Variants in KCNJ3 observed in about 807,000 individuals in gnomAD.
The protein encoded by KCNJ3 is potassium inwardly rectifying channel subfamily J member 3.
KCNJ3 carries 4 observed loss-of-function variants against 39.2 expected under a neutral mutation model. That is an observed-to-expected ratio of 0.10 (90% CI 0.05 to 0.23). The LOEUF is 0.23. Ranked by LOEUF, KCNJ3 falls within the 10% of genes least tolerant of loss-of-function variation. KCNJ3 has a pLI of 1.00. For missense variants in KCNJ3, 276 were observed against 634.9 expected (o/e 0.43, Z 6.08); for synonymous variants, 230 against 237.4 (o/e 0.97, Z 0.29).
chr2:154,704,440 A>C (rs1028097059), intron 1 of KCNJ3, among the ~76,000 whole-genome samples: 1 of 152,192 alleles, frequency 6.6e-6, no homozygotes, highest in Non-Finnish European at 1.5e-5. Flanking sequence ...GAATGGTATG[A>C]AAGCCTCACA....
At chr2:154,770,781 AT>A (rs1410969338) in intron 2 of KCNJ3, among the ~76,000 whole-genome samples, 3 of 152,224 alleles carry the variant, frequency 2.0e-5, no homozygotes, top group Non-Finnish European at 1.5e-5. Context: ...TCAAGACATC[AT>A]TTTGAAGGTG....
intron 2 of KCNJ3, among the ~76,000 whole-genome samples, chr2:154,814,250 A>G (rs1199588732): frequency 6.6e-6 from 1 of 152,224 alleles, no homozygotes; most frequent in Non-Finnish European, 1.5e-5. Flanking sequence ...ATGCAATACT[A>G]TAAATAACTA....
intron 2 of KCNJ3, among the ~76,000 whole-genome samples, chr2:154,744,220 A>G (rs1334287328): frequency 6.6e-6 from 1 of 151,616 alleles, no homozygotes; most frequent in Admixed American, 6.6e-5. Context: ...AGTTCTTTTT[A>G]TATGTTGCTG....
intron 2 of KCNJ3, among the ~76,000 whole-genome samples, chr2:154,780,643 C>T (rs919818818): frequency 7.9e-5 from 12 of 152,018 alleles, no homozygotes; most frequent in African/African-American, 1.9e-4. Flanking sequence ...CCAGCTCGCA[C>T]GGTCTCTGAG....
intron 2 of KCNJ3, among the ~76,000 whole-genome samples, chr2:154,793,509 T>C (rs1686672197): frequency 6.6e-6 from 1 of 152,024 alleles, no homozygotes; most frequent in African/African-American, 2.4e-5. Context: ...TCCAGGACAA[T>C]AGTGTATCAG....
At chr2:154,827,612 C>T (rs1687291499) in intron 2 of KCNJ3, among the ~76,000 whole-genome samples, 1 of 152,064 alleles carries the variant, frequency 6.6e-6, no homozygotes, top group African/African-American at 2.4e-5. Context: ...GGAAGCCTCT[C>T]AATCTAGTGA....
At chr2:154,723,816 AT>A (rs996173542) in intron 2 of KCNJ3, among the ~76,000 whole-genome samples, 1 of 152,146 alleles carries the variant, frequency 6.6e-6, no homozygotes, top group African/African-American at 2.4e-5. Context: ...TTAGGAGAGT[AT>A]TTAGATACCT....
intron 2 of KCNJ3, among the ~76,000 whole-genome samples, chr2:154,767,388 A>T (rs1347415777): frequency 6.6e-6 from 1 of 150,756 alleles, no homozygotes; most frequent in Non-Finnish European, 1.5e-5. Flanking sequence ...TCCTGTGTCC[A>T]AGTGTTCTCA....
intron 2 of KCNJ3, among the ~76,000 whole-genome samples, chr2:154,740,887 A>G (rs903036468): frequency 6.6e-6 from 1 of 151,954 alleles, no homozygotes; most frequent in South Asian, 2.1e-4. Context: ...AAATAAGAGC[A>G]GTACCAAGCA....
At chr2:154,742,981 T>C (rs1480387308) in intron 2 of KCNJ3, among the ~76,000 whole-genome samples, 1 of 151,882 alleles carries the variant, frequency 6.6e-6, no homozygotes, top group Non-Finnish European at 1.5e-5. Flanking sequence ...TGTTTTCTTC[T>C]AGGAGTTTTA....
intron 2 of KCNJ3, among the ~76,000 whole-genome samples, chr2:154,715,551 C>A (rs1327409604): frequency 6.6e-6 from 1 of 152,216 alleles, no homozygotes; most frequent in Non-Finnish European, 1.5e-5. Context: ...AAAACTTTTA[C>A]TATGCAAGTG....
chr2:154,788,688 C>G (rs900725216), intron 2 of KCNJ3, among the ~76,000 whole-genome samples: 1 of 151,208 alleles, frequency 6.6e-6, no homozygotes, highest in Admixed American at 6.6e-5. Context: ...AAATACTGAT[C>G]TAAAATATGT....
chr2:154,719,616 T>G (rs1002577709), intron 2 of KCNJ3, among the ~76,000 whole-genome samples: 5 of 152,110 alleles, frequency 3.3e-5, no homozygotes, highest in African/African-American at 1.2e-4. Context: ...TACACACTCA[T>G]GAAACCAGAA....
chr2:154,797,545 GT>G (rs1558876614), intron 2 of KCNJ3, among the ~76,000 whole-genome samples: 1 of 151,926 alleles, frequency 6.6e-6, no homozygotes, highest in Non-Finnish European at 1.5e-5. Context: ...TTTTGATATT[GT>G]TGCTGTTTTC....
intron 2 of KCNJ3, among the ~76,000 whole-genome samples, chr2:154,770,574 A>G (rs544582931): frequency 6.6e-6 from 1 of 152,206 alleles, no homozygotes; most frequent in Non-Finnish European, 1.5e-5. Flanking sequence ...AGTTGTCCTC[A>G]GTCTATTTCA....
rs140845495 is a variant in KCNJ3, at chr2:154,725,424, T to C, written c.919+15605T>C. On this transcript the variant is annotated intron_variant, in intron 2 of 2. Transcript: ENST00000295101. Reference sequence around the variant, plus strand: ...CTCCACATAACTGTCAGATTTATCCTGAGAAACGTTTTCCAGTTCAGTGTG... The same window carrying C: ...CTCCACATAACTGTCAGATTTATCCCGAGAAACGTTTTCCAGTTCAGTGTG... Among the ~76,000 whole-genome samples the C allele has an allele frequency of 7.2e-5, 11 of 152,112 alleles. No homozygotes were observed. In the East Asian group the frequency reaches 1.7e-3, roughly 24 times the overall value.
intron 2 of KCNJ3, among the ~76,000 whole-genome samples, chr2:154,748,352 A>C (rs1324620929): frequency 6.6e-6 from 1 of 152,052 alleles, no homozygotes; most frequent in Non-Finnish European, 1.5e-5. Flanking sequence ...CTTGCAAAAA[A>C]ATAAAAATAC....
chr2:154,811,232 C>G (rs1222188689), intron 2 of KCNJ3, among the ~76,000 whole-genome samples: 3 of 151,946 alleles, frequency 2.0e-5, no homozygotes, highest in Non-Finnish European at 2.9e-5. Context: ...AATGCATGGC[C>G]GGAAGAGGGC....
intron 2 of KCNJ3, among the ~76,000 whole-genome samples, chr2:154,783,766 G>T (rs558530060): frequency 6.6e-6 from 1 of 152,174 alleles, no homozygotes; most frequent in African/African-American, 2.4e-5. Context: ...ACAAGAGATG[G>T]TGTTTCTTCT....
Sources: allele counts gnomAD v4.1 joint callset (sites outside exome capture counted in the v4.1 genomes callset), GRCh38; gene constraint gnomAD v4.1.1; transcripts MANE v1.5; gene names NCBI Gene and HGNC (gene_info 2026-07-23, HGNC 2026-07-21).